AIG1: variants seen among roughly 807,000 people sequenced by gnomAD.
AIG1 encodes the protein androgen-induced gene 1 protein.
AIG1 carries 23 observed loss-of-function variants against 31.4 expected under a neutral mutation model. The observed-to-expected ratio is 0.73, with a 90% CI of 0.53 to 1.04. The LOEUF is 1.04. Among genes scored for constraint, AIG1 ranks in the 50% least tolerant of loss-of-function variants. AIG1 has a pLI of 0.00. For missense variants in AIG1, 274 were observed against 295.0 expected (o/e 0.93, Z 0.52); for synonymous variants, 100 against 110.5 (o/e 0.90, Z 0.60).
chr6:143,334,997 C>A lies in AIG1; in HGVS notation c.679+1552C>A. 3 of 998,364 alleles carry A rather than the reference C, an allele frequency of 3.0e-6. No individual in the cohort carries two copies. The highest frequency in any genetic ancestry group is 4.1e-6 in the Non-Finnish European group (3 of 723,770). The allele number at this position is 998,364 out of a possible 1,614,324, so 61.8% of individuals were successfully genotyped here. On this transcript the variant is annotated intron_variant, in intron 5 of 5. Coordinates refer to ENST00000357847, the MANE Select transcript of AIG1 (RefSeq NM_016108.4). This position sits in a 1 kb window ranked among gnomAD's most constrained non-coding sequence, Gnocchi z 5.1. Reference sequence around the variant, plus strand: ...TTTTGAATGATTTGTTTAATTTATGCCATTCTTTTAAGTAACATAAGATTG... The same window carrying A: ...TTTTGAATGATTTGTTTAATTTATGACATTCTTTTAAGTAACATAAGATTG...
chr6:143,167,963 A>T (rs1406697584), intron 3 of AIG1, among the ~76,000 whole-genome samples: 4 of 152,206 alleles, frequency 2.6e-5, no homozygotes, highest in Admixed American at 2.6e-4. Context: ...AATTTACATT[A>T]CTTGAATTCT....
chr6:143,266,108 G>A (rs1299791782), intron 3 of AIG1, among the ~76,000 whole-genome samples: 3 of 152,220 alleles, frequency 2.0e-5, no homozygotes, highest in African/African-American at 4.8e-5. Context: ...CCAGCACTGT[G>A]GGAGGCCGAG....
intron 1 of AIG1, among the ~76,000 whole-genome samples, chr6:143,123,470 A>G (rs1319515059): frequency 6.6e-6 from 1 of 152,130 alleles, no homozygotes; most frequent in Non-Finnish European, 1.5e-5. Flanking sequence ...ATTGTTTACT[A>G]TATGTGGATT....
chr6:143,073,754 T>C (rs1427722391), intron 1 of AIG1, among the ~76,000 whole-genome samples: 3 of 152,104 alleles, frequency 2.0e-5, no homozygotes, highest in Non-Finnish European at 2.9e-5. Context: ...GAAAGTGAAG[T>C]GGAAGCTTGT....
intron 3 of AIG1, among the ~76,000 whole-genome samples, chr6:143,203,168 C>T (rs1790839189): frequency 6.6e-6 from 1 of 152,056 alleles, no homozygotes; most frequent in Admixed American, 6.5e-5. Context: ...AATATGACTG[C>T]AAAATAACTG....
At chr6:143,144,363 A>G (rs1784541568) in intron 2 of AIG1, among the ~76,000 whole-genome samples, 1 of 152,212 alleles carries the variant, frequency 6.6e-6, no homozygotes, top group South Asian at 2.1e-4. Context: ...CTGTCCTTCA[A>G]AGGTTTCACA....
intron 3 of AIG1, among the ~76,000 whole-genome samples, chr6:143,175,378 G>A (rs992510310): frequency 2.6e-5 from 4 of 152,178 alleles, no homozygotes; most frequent in Admixed American, 6.5e-5. Context: ...AGTTTTGCTC[G>A]ATTATTTCCT....
chr6:143,103,804 G>A (rs1780555860), intron 1 of AIG1, among the ~76,000 whole-genome samples: 1 of 152,142 alleles, frequency 6.6e-6, no homozygotes, highest in African/African-American at 2.4e-5. Context: ...ATGAGCTACT[G>A]AACATCCTTC....
Position 143,269,619 on chromosome 6 carries a change from C to T in AIG1, c.400-14491C>T, listed in dbSNP as rs186525298. ...ATAAATACATCATATTATAGTCACA[C>T]AATGGAGTACTATGCAGCAATGAGA... On this transcript the variant is annotated intron_variant, in intron 3 of 5. Transcript: ENST00000357847. 2.0e-5 allele frequency among the ~76,000 whole-genome samples: 3 copies of T among 152,322 alleles called. No homozygotes were observed. In the East Asian group the frequency reaches 5.8e-4, roughly 29 times the overall value.
chr6:143,083,134 G>A (rs1562356501), intron 1 of AIG1, among the ~76,000 whole-genome samples: 2 of 152,230 alleles, frequency 1.3e-5, no homozygotes, highest in East Asian at 1.9e-4. Context: ...TTAGCCGTAA[G>A]TGTTTAACCT....
intron 1 of AIG1, among the ~76,000 whole-genome samples, chr6:143,092,543 G>T (rs1444491838): frequency 6.6e-6 from 1 of 152,146 alleles, no homozygotes; most frequent in Non-Finnish European, 1.5e-5. Context: ...CAAAGCTCTT[G>T]GGTGACTAGG....
At chr6:143,306,365 G>C (rs907635555) in intron 4 of AIG1, among the ~76,000 whole-genome samples, 10 of 152,124 alleles carry the variant, frequency 6.6e-5, no homozygotes, top group Non-Finnish European at 1.2e-4. Flanking sequence ...GGCTGGTACT[G>C]GTTGTTCCTT....
At chr6:143,337,872 C>A (rs991988962) in intron 5 of AIG1, 3 of 398,022 alleles carry the variant, frequency 7.5e-6, no homozygotes, top group Non-Finnish European at 1.3e-5. Flanking sequence ...GTGTATCCTG[C>A]CTTCGCTTTG....
At chr6:143,318,965 A>C (rs1775983376) in intron 4 of AIG1, among the ~76,000 whole-genome samples, 1 of 152,088 alleles carries the variant, frequency 6.6e-6, no homozygotes, top group Non-Finnish European at 1.5e-5. Context: ...TAATCAAAAA[A>C]TAAAAAATAA....
At chr6:143,069,708 C>G (rs1413584938) in intron 1 of AIG1, among the ~76,000 whole-genome samples, 1 of 152,074 alleles carries the variant, frequency 6.6e-6, no homozygotes, top group African/African-American at 2.4e-5. Context: ...CAAATGAAAG[C>G]TCTTTGGCAA....
chr6:143,162,496 A>G (rs778235439), intron 2 of AIG1, among the ~76,000 whole-genome samples: 8 of 152,216 alleles, frequency 5.3e-5, no homozygotes, highest in Non-Finnish European at 8.8e-5. Flanking sequence ...GAATTCCAAC[A>G]TGATGCCAAG....
Position 143,327,696 on chromosome 6 carries a change from T to TAAAAA in AIG1, c.516-5576_516-5572dup, listed in dbSNP as rs34603415. The TAAAAA allele has an allele frequency of 6.7e-6, 1 of 149,712 alleles. No individual in the cohort carries two copies. The highest frequency in any genetic ancestry group is 2.5e-5 in the African/African-American group (1 of 40,116). 9.3% of individuals were successfully genotyped at this position (149,712 alleles called of 1,614,324 possible). A position where few individuals can be genotyped will look rare whatever the true frequency, so the allele number is the denominator to read the frequency against. ...TACATCAAATAAAGTTATAAAATTG[T>TAAAAA]AAAAAAAAAAAAAAGATAATGGATT... On this transcript the variant is annotated intron_variant, in intron 4 of 5. Coordinates refer to ENST00000357847, the MANE Select transcript of AIG1 (RefSeq NM_016108.4). This position sits in a 1 kb window ranked among gnomAD's most constrained non-coding sequence, Gnocchi z 5.3.
intron 3 of AIG1, among the ~76,000 whole-genome samples, chr6:143,219,607 G>A (rs1792314453): frequency 6.6e-6 from 1 of 152,196 alleles, no homozygotes; most frequent in Admixed American, 6.5e-5. Flanking sequence ...GAACTCCTCT[G>A]ATTGGAATAA....
rs550365196 is a variant in AIG1 at position 143,268,381 on chromosome 6, G to A, written c.400-15729G>A. On this transcript the variant is annotated intron_variant, in intron 3 of 5. Transcript: ENST00000357847. This position sits in a 1 kb window ranked among gnomAD's most constrained non-coding sequence, Gnocchi z 5.0. ...GGACCACAACTAGATGGTCTAACGTGTGCCTTATTCAGCTGAATAAGGTGT... is the reference window on the plus strand; with the variant it reads ...GGACCACAACTAGATGGTCTAACGTATGCCTTATTCAGCTGAATAAGGTGT... Among the ~76,000 whole-genome samples the A allele has an allele frequency of 6.6e-6, 1 of 152,098 alleles. No homozygotes were observed. Among genetic ancestry groups the A allele is most frequent in the Non-Finnish European group, 1.5e-5 (1 of 68,016 alleles).
Sources: allele counts gnomAD v4.1 joint callset (sites outside exome capture counted in the v4.1 genomes callset), GRCh38; gene constraint gnomAD v4.1.1; non-coding constraint Gnocchi (gnomAD v3.1); transcripts MANE v1.5; gene names NCBI Gene and HGNC (gene_info 2026-07-23, HGNC 2026-07-21).